The following BNC2 variants were observed in gnomAD, a reference collection of about 807,000 sequenced individuals.
BNC2 encodes the protein zinc finger protein basonuclin-2.
Under a neutral mutation model 76.3 loss-of-function variants are expected in BNC2, and 20 were observed. The ratio of observed to expected loss-of-function variants is 0.26; its 90% CI spans 0.18 to 0.38. The LOEUF (loss-of-function observed/expected upper bound fraction) is 0.38. Among genes scored for constraint, BNC2 ranks in the 10% least tolerant of loss-of-function variants. The pLI, the probability that BNC2 is intolerant of heterozygous loss-of-function variation, is 1.00. For missense variants in BNC2, 1,382 were observed against 1,399.8 expected (o/e 0.99, Z 0.20); for synonymous variants, 582 against 514.8 (o/e 1.13, Z -1.77).
chr9:16,455,409 A>G (rs1821425666), intron 5 of BNC2, among the ~76,000 whole-genome samples: 1 of 152,240 alleles, frequency 6.6e-6, no homozygotes, highest in African/African-American at 2.4e-5. Context: ...CTCTGCTCCT[A>G]TACCAAAAAG....
At chr9:16,656,323 C>T (rs78640718) in intron 3 of BNC2, among the ~76,000 whole-genome samples, 119 of 152,228 alleles carry the variant, frequency 7.8e-4, no homozygotes, top group South Asian at 3.7e-3. Flanking sequence ...GACAAAGGGA[C>T]GACAATGGGG....
chr9:16,486,069 TC>T (rs1311179426), intron 5 of BNC2, among the ~76,000 whole-genome samples: 2 of 152,200 alleles, frequency 1.3e-5, no homozygotes, highest in Admixed American at 6.5e-5. Flanking sequence ...ACTCAAGATT[TC>T]CCCAAGGCTC....
At position 16,418,690 on chromosome 9, in the gene BNC2, GTA is replaced by G. The variant is rs1491405135; in HGVS notation, c.*297_*298del. 1.6e-4 allele frequency: 55 copies of G among 340,598 alleles called. No individual in the cohort carries two copies. Among genetic ancestry groups the G allele is most frequent in the African/African-American group, 1.0e-3 (42 of 40,888 alleles). 21.1% of individuals were successfully genotyped at this position (340,598 alleles called of 1,614,324 possible). A position where few individuals can be genotyped will look rare whatever the true frequency, so the allele number is the denominator to read the frequency against. ...TGTGTGTGTGTGTGTGTGTGTGTGTGTATGTGCATGTGTGTGTGTGTGTGTTT... is the reference window on the plus strand; with the variant it reads ...TGTGTGTGTGTGTGTGTGTGTGTGTGTGTGCATGTGTGTGTGTGTGTGTTT... On this transcript the variant is annotated 3_prime_UTR_variant, in exon 7 of 7. Transcript: ENST00000380672.
chr9:16,725,215 T>TCACACACACACACA (rs1184662562), intron 3 of BNC2, among the ~76,000 whole-genome samples: 1 of 59,500 alleles, frequency 1.7e-5, no homozygotes, highest in African/African-American at 5.1e-5. Context: ...AGTCTCTCTC[T>TCACACACACACACA]CTCACACACA....
Position 16,437,291 on chromosome 9 carries a change from T to C in BNC2, c.903A>G (p.Leu301=), listed in dbSNP as rs769098646. Residue 301 remains leucine, a synonymous_variant, in exon 6 of 7, where the codon TTA becomes TTG. Coordinates refer to ENST00000380672, the MANE Select transcript of BNC2 (RefSeq NM_017637.6). ...GAATGCTGGAAGGATTGCTGTTCTC[T>C]AAGTGAGCAAGGAGGCTGGGACTCC... ...RTRSPSLLAH[L]ENSNPSSIHH... is the part of the protein sequence containing the mutation. 1 of 1,614,180 alleles carries C rather than the reference T, an allele frequency of 6.2e-7. No homozygotes were observed. Among genetic ancestry groups the C allele is most frequent in the South Asian group, 1.1e-5 (1 of 91,074 alleles).
In BNC2 at chr9:16,726,266, T is replaced by C. The variant is rs567668807; in HGVS notation, c.330+1531A>G. Among the ~76,000 whole-genome samples the C allele has an allele frequency of 1.4e-4, 22 of 152,342 alleles. No individual in the cohort carries two copies. The South Asian group carries it at 4.4e-3, about 30-fold the overall frequency. On this transcript the variant is annotated intron_variant, in intron 3 of 6. Coordinates refer to ENST00000380672, the MANE Select transcript of BNC2 (RefSeq NM_017637.6). ...TGAAGAGTTACTTATTGGGTTGATG[T>C]TGATTGCATTTAAATCCCAGCTTAC...
chr9:16,547,911 A>T (rs1818537459), intron 5 of BNC2, among the ~76,000 whole-genome samples: 1 of 152,162 alleles, frequency 6.6e-6, no homozygotes, highest in Admixed American at 6.5e-5. Context: ...CATGAAGGTT[A>T]AGAGAAAGAT....
chr9:16,774,569 T>C (rs536562117), intron 1 of BNC2, among the ~76,000 whole-genome samples: 3 of 152,216 alleles, frequency 2.0e-5, no homozygotes, highest in Non-Finnish European at 4.4e-5. Context: ...TAAATCTCCA[T>C]TGTGATAAAA....
chr9:16,862,889 A>T (rs190388831), intron 1 of BNC2, among the ~76,000 whole-genome samples: 9 of 149,230 alleles, frequency 6.0e-5, no homozygotes, highest in Non-Finnish European at 1.0e-4. Flanking sequence ...CGGCAGATTC[A>T]TCTATATATA....
intron 3 of BNC2, among the ~76,000 whole-genome samples, chr9:16,597,883 C>T (rs1027173337): frequency 2.6e-5 from 4 of 151,834 alleles, no homozygotes; most frequent in African/African-American, 7.3e-5. Context: ...GCCTGGTTTT[C>T]GGGGCAGTTT....
intron 1 of BNC2, chr9:16,775,559 T>C: frequency 6.4e-6 from 1 of 156,394 alleles, no homozygotes; most frequent in Non-Finnish European, 1.4e-5. Context: ...AGCAATAGCT[T>C]CTGAGCAGAG....
chr9:16,669,840 G>C (rs554127121), intron 3 of BNC2, among the ~76,000 whole-genome samples: 1 of 152,158 alleles, frequency 6.6e-6, no homozygotes, highest in African/African-American at 2.4e-5. Context: ...AAGCAAAAAC[G>C]TGTTAGAAAC....
At chr9:16,794,346 A>G (rs1817590212) in intron 1 of BNC2, among the ~76,000 whole-genome samples, 1 of 152,164 alleles carries the variant, frequency 6.6e-6, no homozygotes, top group South Asian at 2.1e-4. Flanking sequence ...AATTATCATG[A>G]CTGAGCTTTT....
chr9:16,830,096 GA>G (rs1405394636), intron 1 of BNC2, among the ~76,000 whole-genome samples: 10 of 152,168 alleles, frequency 6.6e-5, no homozygotes, highest in Admixed American at 6.5e-4. Context: ...CAATCTATGT[GA>G]AAAGCTTTTG....
chr9:16,811,955 G>A (rs1273889019), intron 1 of BNC2, among the ~76,000 whole-genome samples: 1 of 152,188 alleles, frequency 6.6e-6, no homozygotes, highest in Non-Finnish European at 1.5e-5. Context: ...AGGGAGGTGT[G>A]AAAAAGAATT....
At chr9:16,843,177 T>G (rs1818877589) in intron 1 of BNC2, among the ~76,000 whole-genome samples, 1 of 152,172 alleles carries the variant, frequency 6.6e-6, no homozygotes, top group South Asian at 2.1e-4. Context: ...TGCCCAAGAT[T>G]CTACCATATT....
intron 5 of BNC2, among the ~76,000 whole-genome samples, chr9:16,548,498 C>A (rs1480805081): frequency 6.6e-6 from 1 of 151,924 alleles, no homozygotes; most frequent in African/African-American, 2.4e-5. Flanking sequence ...CTCTGCTTCC[C>A]GGGTTCAAGG....
At chr9:16,518,520 T>C (rs1202683194) in intron 5 of BNC2, among the ~76,000 whole-genome samples, 1 of 152,352 alleles carries the variant, frequency 6.6e-6, no homozygotes, top group South Asian at 2.1e-4. Flanking sequence ...CATATTCTAC[T>C]AAAGTCTCTG....
intron 5 of BNC2, among the ~76,000 whole-genome samples, chr9:16,490,239 T>C (rs995516149): frequency 5.9e-5 from 9 of 152,066 alleles, no homozygotes; most frequent in Admixed American, 5.9e-4. Flanking sequence ...AGAATCATGG[T>C]GGGAGGTGAG....
Sources: allele counts gnomAD v4.1 joint callset (sites outside exome capture counted in the v4.1 genomes callset), GRCh38; gene constraint gnomAD v4.1.1; transcripts MANE v1.5; gene names NCBI Gene and HGNC (gene_info 2026-07-23, HGNC 2026-07-21).